BOC: variants seen among roughly 807,000 people sequenced by gnomAD.
The protein encoded by BOC is BOC cell adhesion associated, oncogene regulated.
In BOC, 76 loss-of-function variants were observed where a neutral mutation model predicts 112.0. That is an observed-to-expected ratio of 0.68 (90% confidence interval 0.56 to 0.82). The LOEUF is 0.82. Ranked by LOEUF, BOC falls within the 40% of genes least tolerant of loss-of-function variation. BOC has a pLI of 0.00. For missense variants in BOC, 1,309 were observed against 1,511.7 expected (o/e 0.87, Z 2.22); for synonymous variants, 580 against 599.8 (o/e 0.97, Z 0.48).
chr3:113,244,160 G>A lies in BOC; in HGVS notation c.-81-5562G>A, dbSNP rs79090459. 3.3e-4 allele frequency among the ~76,000 whole-genome samples: 50 copies of A among 152,310 alleles called. 3 individuals carry two copies. The East Asian group carries it at 9.5e-3, about 29-fold the overall frequency. ...GCAGAGGAGGCTAGGAAATGAAGAG[G>A]AGCTTGTGGATATTTGCTGGGTGCT... On this transcript the variant is annotated intron_variant, in intron 2 of 19. Coordinates refer to ENST00000682979, the MANE Select transcript of BOC (RefSeq NM_001378074.1).
chr3:113,226,883 T>C (rs941195551), intron 2 of BOC, among the ~76,000 whole-genome samples: 9 of 152,200 alleles, frequency 5.9e-5, no homozygotes, highest in South Asian at 2.1e-4. Context: ...TCAATTGCCA[T>C]AGGGGCCTGA....
chr3:113,217,886 G>C (rs1431815980), intron 2 of BOC, among the ~76,000 whole-genome samples: 1 of 152,184 alleles, frequency 6.6e-6, no homozygotes, highest in Non-Finnish European at 1.5e-5. Flanking sequence ...GAGAAAAGGA[G>C]AAGTGTGTGT....
At chr3:113,259,501 A>G (rs1384945850) in intron 4 of BOC, among the ~76,000 whole-genome samples, 1 of 152,186 alleles carries the variant, frequency 6.6e-6, no homozygotes, top group Non-Finnish European at 1.5e-5. Flanking sequence ...AAACCAAGAG[A>G]GCAAATGAGT....
rs540214491 is a variant in BOC at position 113,280,572 on chromosome 3, T to G, written c.2220T>G (p.Ser740Arg). ...ATTCCCTATAGTACATCCCAGCAAG[T>G]AACAACAACACCCCAATCCATGGCT... ...IMLKWMYIPA[S>R]NNNTPIHGFY... Residue 740 changes from serine to arginine, a missense_variant, in exon 14 of 20, where the codon AGT becomes AGG. Transcript: ENST00000682979. 30 of 1,609,352 alleles carry G rather than the reference T, an allele frequency of 1.9e-5. No individual in the cohort carries two copies. Among genetic ancestry groups the G allele is most frequent in the Non-Finnish European group, 2.5e-5 (29 of 1,175,810 alleles).
intron 8 of BOC, 105 bp downstream of exon 8, chr3:113,273,446 G>A: frequency 7.8e-7 from 1 of 1,275,970 alleles, no homozygotes; most frequent in South Asian, 2.0e-5. Context: ...GAAAAAAGTA[G>A]CTTTTAGTTG....
chr3:113,245,283 T>G (rs1184426697), intron 2 of BOC, among the ~76,000 whole-genome samples: 1 of 152,184 alleles, frequency 6.6e-6, no homozygotes, highest in Non-Finnish European at 1.5e-5. Context: ...AGAGTCTTGC[T>G]CTGTTGCCCA....
In BOC at chr3:113,250,657, C is replaced by A; in HGVS notation, c.200C>A (p.Thr67Asn). 1 of 1,614,164 alleles carries A rather than the reference C, an allele frequency of 6.2e-7. No homozygotes were observed. Among genetic ancestry groups the A allele is most frequent in the Non-Finnish European group, 8.5e-7 (1 of 1,180,032 alleles). Residue 67 changes from threonine to asparagine, a missense_variant, in exon 4 of 20, where the codon ACC becomes AAC. Thr to Asn is a moderately conservative substitution (Grantham distance 65, BLOSUM62 0). Transcript: ENST00000682979. ...CVVEPPRMNV[T>N]WRLNGKELNG... ...GTGGAACCTCCAAGGATGAATGTAA[C>A]CTGGCGCCTGAATGGAAAGGAGCTG...
Position 113,279,991 on chromosome 3 carries a change from A to C in BOC, c.2191A>C (p.Met731Leu). ...FTDAVNETTI[M>L]LKWMYIPASN... Reference sequence around the variant, plus strand: ...GGATGCGGTCAATGAGACCACCATCATGCTCAAGTGGATGGTAAGCGGGCC... The same window carrying C: ...GGATGCGGTCAATGAGACCACCATCCTGCTCAAGTGGATGGTAAGCGGGCC... Residue 731 changes from methionine (M) to leucine (L), a missense_variant, in exon 13 of 20, where the codon ATG becomes CTG. Transcript: ENST00000682979. 1 of 1,609,144 alleles carries C rather than the reference A, an allele frequency of 6.2e-7. No homozygotes were observed. Among genetic ancestry groups the C allele is most frequent in the Non-Finnish European group, 8.5e-7 (1 of 1,177,230 alleles).
rs532974726 is a variant in BOC at position 113,230,185 on chromosome 3, G to A, written c.-82+13911G>A. 3.9e-3 allele frequency among the ~76,000 whole-genome samples: 598 copies of A among 152,246 alleles called. 5 individuals carry two copies. Among genetic ancestry groups the A allele is most frequent in the African/African-American group, 9.9e-3 (413 of 41,534 alleles). Reference sequence around the variant, plus strand: ...ATCACCTGGATCCTAGATTCAAAGCGCTGCTACCAATCTTTGGGCTGTATT... The same window carrying A: ...ATCACCTGGATCCTAGATTCAAAGCACTGCTACCAATCTTTGGGCTGTATT... On this transcript the variant is annotated intron_variant, in intron 2 of 19. Coordinates refer to ENST00000682979, the MANE Select transcript of BOC (RefSeq NM_001378074.1).
upstream of BOC, chr3:113,211,393 GTTTGGGGGA>G (rs1193878665): frequency 2.6e-5 from 4 of 152,312 alleles, no homozygotes; most frequent in African/African-American, 9.7e-5. Flanking sequence ...CTGCCCTAGA[GTTTGGGGGA>G]CTTTTTCCAG....
At position 113,273,066 on chromosome 3, in the gene BOC, C is replaced by A. The variant is rs1408647452; in HGVS notation, c.962-3C>A. The A allele has an allele frequency of 3.8e-6, 6 of 1,590,794 alleles. No individual in the cohort carries two copies. The highest frequency in any genetic ancestry group is 5.2e-6 in the Non-Finnish European group (6 of 1,161,712). On this transcript the variant is annotated splice_region_variant and splice_polypyrimidine_tract_variant and intron_variant, in intron 7 of 19. Transcript: ENST00000682979. ...TTCTCACCCTGCTCTGGTTTCCTGG[C>A]AGAACCCCCTGAGGTCACCATGGAG...
intron 2 of BOC, among the ~76,000 whole-genome samples, chr3:113,245,621 C>T (rs574824084): frequency 1.3e-5 from 2 of 152,324 alleles, no homozygotes; most frequent in South Asian, 4.1e-4. Flanking sequence ...GATTCTTACT[C>T]TAGAAAACTG....
chr3:113,249,710 C>T lies in BOC; in HGVS notation c.-81-12C>T. On this transcript the variant is annotated splice_polypyrimidine_tract_variant and intron_variant, in intron 2 of 19. Coordinates refer to ENST00000682979, the MANE Select transcript of BOC (RefSeq NM_001378074.1). ...ATCATGGCCATTGCTCTCCCTTTCT[C>T]TCTTACAACAGAGTGTTGCCAGGGA... 9.3e-7 allele frequency: 1 copy of T among 1,075,252 alleles called. No individual in the cohort carries two copies. The highest frequency in any genetic ancestry group is 1.3e-6 in the Non-Finnish European group (1 of 741,648). 66.6% of individuals were successfully genotyped at this position (1,075,252 alleles called of 1,614,324 possible).
chr3:113,241,916 G>A (rs573601896), intron 2 of BOC, among the ~76,000 whole-genome samples: 1 of 151,660 alleles, frequency 6.6e-6, no homozygotes, highest in East Asian at 1.9e-4. Flanking sequence ...CTGACTCAGA[G>A]AAGGGAGGAG....
At chr3:113,250,070 T>C (rs17320040) in intron 3 of BOC, among the ~76,000 whole-genome samples, 171 bp downstream of exon 3, 4,896 of 152,280 alleles carry the variant, frequency 0.032, 146 homozygotes, top group East Asian at 0.084. Flanking sequence ...AACAACATCA[T>C]ATTGGTTATA....
At chr3:113,264,488 A>G (rs1425570664) in intron 4 of BOC, among the ~76,000 whole-genome samples, 1 of 152,182 alleles carries the variant, frequency 6.6e-6, no homozygotes, top group East Asian at 1.9e-4. Context: ...ATTTCCAGTG[A>G]AGCACACTGA....
intron 15 of BOC, among the ~76,000 whole-genome samples, chr3:113,282,394 A>G (rs1265354000): frequency 6.6e-6 from 1 of 152,098 alleles, no homozygotes; most frequent in Non-Finnish European, 1.5e-5. Flanking sequence ...TAGGGCTGGG[A>G]GAGAGTGAAA....
At chr3:113,235,489 A>G (rs1298520850) in intron 2 of BOC, among the ~76,000 whole-genome samples, 2 of 152,174 alleles carry the variant, frequency 1.3e-5, no homozygotes, top group Non-Finnish European at 2.9e-5. Flanking sequence ...CAACTGACCT[A>G]CTGTATGATG....
intron 2 of BOC, among the ~76,000 whole-genome samples, chr3:113,236,181 T>C (rs1440807288): frequency 6.8e-6 from 1 of 147,316 alleles, no homozygotes; most frequent in Admixed American, 6.9e-5. Context: ...TATCAACATA[T>C]GATTGGATAA....
Sources: gnomAD v4.1 joint callset for allele counts (sites outside exome capture counted in the v4.1 genomes callset) on GRCh38, gnomAD v4.1.1 for gene constraint, MANE v1.5 for transcripts, NCBI Gene and HGNC (gene_info 2026-07-23, HGNC 2026-07-21) for gene names.